The following HS1BP3 variants were observed in gnomAD, a reference collection of about 807,000 sequenced individuals.
HS1BP3 encodes HCLS1-binding protein 3.
In HS1BP3, 32 loss-of-function variants were observed where a neutral mutation model predicts 33.5. The observed-to-expected ratio is 0.95, with a 90% CI of 0.72 to 1.28. The LOEUF (loss-of-function observed/expected upper bound fraction) is 1.28, where lower values mean the gene tolerates loss of function less well. Among genes scored for constraint, HS1BP3 ranks in the 50% most tolerant of loss-of-function variants. HS1BP3 has a pLI of 0.00. For missense variants in HS1BP3, 486 were observed against 502.3 expected, an observed-to-expected ratio of 0.97 and a Z score of 0.31; for synonymous variants, 187 against 209.2, an observed-to-expected ratio of 0.89 and a Z score of 0.92.
chr2:20,598,972 G>A (rs914153500), intron 2 of HS1BP3, among the ~76,000 whole-genome samples: 6 of 152,156 alleles, frequency 3.9e-5, no homozygotes, highest in African/African-American at 1.2e-4. Context: ...AAGGGGTCCC[G>A]GGAGGGAAGG....
At position 20,618,746 on chromosome 2, in the gene HS1BP3, A is replaced by C; in HGVS notation, c.*241T>G. On this transcript the variant is annotated 3_prime_UTR_variant, in exon 7 of 7. Coordinates refer to ENST00000304031, the MANE Select transcript of HS1BP3 (RefSeq NM_022460.4). Reference sequence around the variant, plus strand: ...CTCCCTCCCCTTCATGTCCACGGGGAATAAGACACATTGGGCTCTGGCTCC... The same window carrying C: ...CTCCCTCCCCTTCATGTCCACGGGGCATAAGACACATTGGGCTCTGGCTCC... 30 of 1,320,776 alleles carry C rather than the reference A, an allele frequency of 2.3e-5. No individual in the cohort carries two copies. The highest frequency in any genetic ancestry group is 5.9e-5 in the East Asian group (2 of 33,662). 81.8% of individuals were successfully genotyped at this position (1,320,776 alleles called of 1,614,324 possible). A position where few individuals can be genotyped will look rare whatever the true frequency, so the allele number is the denominator to read the frequency against.
At chr2:20,606,283 T>C in intron 2 of HS1BP3, 1 of 431,290 alleles carries the variant, frequency 2.3e-6, no homozygotes, top group Non-Finnish European at 4.6e-6. Flanking sequence ...GACCTGTTCA[T>C]GCGTCTTCAC....
chr2:20,563,544 C>T (rs560871381), intron 5 of HS1BP3, among the ~76,000 whole-genome samples: 2 of 152,280 alleles, frequency 1.3e-5, no homozygotes, highest in African/African-American at 4.8e-5. Context: ...TGTGGAGGGG[C>T]AGGGGGTGGT....
At chr2:20,588,522 G>A (rs1693736018), downstream of HS1BP3, among the ~76,000 whole-genome samples, 1 of 152,180 alleles carries the variant, frequency 6.6e-6, no homozygotes, top group South Asian at 2.1e-4. Context: ...GTTTCACCAT[G>A]TTGGCCAGGC....
chr2:20,567,714 G>C (rs149522925), intron 5 of HS1BP3, among the ~76,000 whole-genome samples: 1 of 152,172 alleles, frequency 6.6e-6, no homozygotes, highest in Non-Finnish European at 1.5e-5. Context: ...AGGACTGACC[G>C]CAGGCTAGAA....
At chr2:20,648,913 T>C (rs1258559974) in intron 1 of HS1BP3, among the ~76,000 whole-genome samples, 2 of 152,248 alleles carry the variant, frequency 1.3e-5, no homozygotes, top group Non-Finnish European at 2.9e-5. Flanking sequence ...ACTTCTCTTC[T>C]TGTTCTCACA....
rs923359626 is a variant in HS1BP3, at chr2:20,574,260, A to G, written c.303-13745T>C. Reference sequence around the variant, plus strand: ...ACAAGCCTGTTAGATCCCATTTACTAAATGGCCATAATCAAAGAACAAGCT... The same window carrying G: ...ACAAGCCTGTTAGATCCCATTTACTGAATGGCCATAATCAAAGAACAAGCT... On this transcript the variant is annotated intron_variant, in intron 5 of 5. Transcript: ENST00000446825. 2.6e-5 allele frequency among the ~76,000 whole-genome samples: 4 copies of G among 152,202 alleles called. 1 individual carries two copies. In the South Asian group the frequency reaches 8.3e-4, roughly 32 times the overall value.
intron 4 of HS1BP3, chr2:20,636,222 A>T (rs1052103852): frequency 6.6e-6 from 1 of 152,268 alleles, no homozygotes; most frequent in East Asian, 1.9e-4. Context: ...AAGAGAGATC[A>T]ACAAGCCCAC....
intron 5 of HS1BP3, among the ~76,000 whole-genome samples, chr2:20,584,356 G>T (rs1365747509): frequency 6.6e-6 from 1 of 152,206 alleles, no homozygotes; most frequent in Non-Finnish European, 1.5e-5. Flanking sequence ...AAGGACTGGG[G>T]TGTGCCGGTC....
downstream of HS1BP3, among the ~76,000 whole-genome samples, chr2:20,613,076 C>T (rs1429319175): frequency 6.6e-6 from 1 of 152,166 alleles, no homozygotes; most frequent in African/African-American, 2.4e-5. Context: ...AGCTCAGCCT[C>T]TCTGCAGCTT....
At chr2:20,650,996 G>A in intron 1 of HS1BP3, 36 bp downstream of exon 1, 1 of 1,234,128 alleles carries the variant, frequency 8.1e-7, no homozygotes, top group Non-Finnish European at 1.0e-6. Context: ...CCCGGACTGC[G>A]AGCTGTGCGG....
intron 4 of HS1BP3, among the ~76,000 whole-genome samples, chr2:20,627,593 C>T (rs1017937924): frequency 3.9e-5 from 6 of 152,198 alleles, no homozygotes; most frequent in Non-Finnish European, 7.3e-5. Flanking sequence ...GTTTTTCTCC[C>T]TAGAGACATG....
At chr2:20,638,679 A>T (rs145186648) in intron 3 of HS1BP3, 27 bp from the exon 4 acceptor site, 20 of 1,582,824 alleles carry the variant, frequency 1.3e-5, no homozygotes, top group Non-Finnish European at 1.6e-5. Flanking sequence ...AAAAGAATGG[A>T]CTTGGTAACC....
chr2:20,609,122 T>A (rs1005988855), intron 2 of HS1BP3, among the ~76,000 whole-genome samples: 1 of 152,178 alleles, frequency 6.6e-6, no homozygotes, highest in Non-Finnish European at 1.5e-5. Flanking sequence ...CAAGGGCCCC[T>A]GCTCTGTGGC....
chr2:20,612,540 A>G (rs1469693123), intron 2 of HS1BP3, among the ~76,000 whole-genome samples: 1 of 152,118 alleles, frequency 6.6e-6, no homozygotes, highest in East Asian at 1.9e-4. Flanking sequence ...TGTCCTGGAA[A>G]TTTCCTATAC....
chr2:20,581,340 ATTTC>A (rs1371124422), intron 5 of HS1BP3, among the ~76,000 whole-genome samples: 1 of 151,946 alleles, frequency 6.6e-6, no homozygotes, highest in Non-Finnish European at 1.5e-5. Flanking sequence ...ACAAATATTT[ATTTC>A]TTTTTCTTTT....
intron 5 of HS1BP3, among the ~76,000 whole-genome samples, chr2:20,572,308 T>C (rs1271385910): frequency 2.0e-5 from 3 of 152,196 alleles, no homozygotes; most frequent in African/African-American, 7.2e-5. Flanking sequence ...CCTCTGTTCC[T>C]ATCAGAACAC....
chr2:20,624,629 G>T, intron 5 of HS1BP3, 103 bp downstream of exon 5: 2 of 1,062,300 alleles, frequency 1.9e-6, no homozygotes, highest in Admixed American at 2.3e-5. Context: ...CAGGACAGGG[G>T]AGATATATGG....
intron 4 of HS1BP3, among the ~76,000 whole-genome samples, chr2:20,625,532 T>C (rs1391543788): frequency 6.6e-6 from 1 of 152,242 alleles, no homozygotes; most frequent in African/African-American, 2.4e-5. Flanking sequence ...GCAGCTTTGG[T>C]AAGTGCCTTA....
Sources: gnomAD v4.1 joint callset for allele counts (sites outside exome capture counted in the v4.1 genomes callset) on GRCh38, gnomAD v4.1.1 for gene constraint, MANE v1.5 for transcripts, NCBI Gene and HGNC (gene_info 2026-07-23, HGNC 2026-07-21) for gene names.